The following PREX1 variants were observed in gnomAD, a reference collection of about 807,000 sequenced individuals.
The protein encoded by PREX1 is phosphatidylinositol 3,4,5-trisphosphate-dependent Rac exchanger 1 protein.
Under a neutral mutation model 198.3 loss-of-function variants are expected in PREX1, and 41 were observed. The observed-to-expected ratio is 0.21, with a 90% CI of 0.16 to 0.27. The LOEUF is 0.27. Among genes scored for constraint, PREX1 ranks in the 10% least tolerant of loss-of-function variants. The pLI is 1.00. For missense variants in PREX1, 1,620 were observed against 2,200.7 expected (o/e 0.74, Z 5.28); for synonymous variants, 843 against 887.2 (o/e 0.95, Z 0.89).
the PREX1 span, among the ~76,000 whole-genome samples, chr20:48,837,211 G>T: frequency 6.6e-6 from 1 of 152,230 alleles, no homozygotes; most frequent in Non-Finnish European, 1.5e-5. Flanking sequence ...GAATGCTTAT[G>T]CACTGCTGGT....
At chr20:48,722,153 A>G (rs2089989156) in intron 5 of PREX1, among the ~76,000 whole-genome samples, 1 of 152,240 alleles carries the variant, frequency 6.6e-6, no homozygotes, top group Non-Finnish European at 1.5e-5. Flanking sequence ...CAAATCCTGT[A>G]CATGGACCTT....
At chr20:48,742,203 GAT>G (rs2090085708) in intron 3 of PREX1, among the ~76,000 whole-genome samples, 2 of 152,186 alleles carry the variant, frequency 1.3e-5, no homozygotes, top group Admixed American at 1.3e-4. Context: ...GGGGCTCAGT[GAT>G]CCCAGGTCTG....
At chr20:48,756,874 C>G (rs2090157768) in intron 1 of PREX1, among the ~76,000 whole-genome samples, 2 of 152,202 alleles carry the variant, frequency 1.3e-5, no homozygotes, top group Admixed American at 1.3e-4. Flanking sequence ...GCCTCACAAT[C>G]AAGGCAGAAG....
intron 15 of PREX1, among the ~76,000 whole-genome samples, chr20:48,665,000 A>G (rs1378080530): frequency 7.1e-6 from 1 of 141,732 alleles, no homozygotes; most frequent in Non-Finnish European, 1.5e-5. Flanking sequence ...GACGGCCTGA[A>G]TTCTAATCCC....
In PREX1 at chr20:48,729,377, C is replaced by T. The variant is rs533104085; in HGVS notation, c.520-2986G>A. Among the ~76,000 whole-genome samples, 321 of 152,150 alleles carry T rather than the reference C, an allele frequency of 2.1e-3. 1 individual carries two copies. Among genetic ancestry groups the T allele is most frequent in the Non-Finnish European group, 3.9e-3 (266 of 67,988 alleles). On this transcript the variant is annotated intron_variant, in intron 4 of 39. Transcript: ENST00000371941. ...CAGGTGTGAGCCACCGTGCCTGGCC[C>T]TGACTTGGCTTTAAACACCATCTTT...
Position 48,664,423 on chromosome 20 carries a change from G to A in PREX1, c.1738+1860C>T, listed in dbSNP as rs189268313. Among the ~76,000 whole-genome samples the A allele has an allele frequency of 1.6e-3, 239 of 152,068 alleles. 2 individuals are homozygous for A. Among genetic ancestry groups the A allele is most frequent in the African/African-American group, 5.4e-3 (224 of 41,486 alleles). On this transcript the variant is annotated intron_variant, in intron 15 of 39. Transcript: ENST00000371941. ...TCCGAGCTAGGAGCAGAGTGATGACGGGGAGGAGCTATTTTAGCTGGGGTT... is the reference window on the plus strand; with the variant it reads ...TCCGAGCTAGGAGCAGAGTGATGACAGGGAGGAGCTATTTTAGCTGGGGTT...
intron 24 of PREX1, 24 bp from the exon 25 acceptor site, chr20:48,649,600 C>A: frequency 6.4e-7 from 1 of 1,552,232 alleles, no homozygotes; most frequent in East Asian, 2.4e-5. Context: ...AGAGAGAGCT[C>A]ACTGGAAAAC....
chr20:48,823,101 G>C (rs1350670354), intron 1 of PREX1, among the ~76,000 whole-genome samples: 1 of 152,194 alleles, frequency 6.6e-6, no homozygotes, highest in Non-Finnish European at 1.5e-5. Context: ...ACCACAGAAA[G>C]CATTCTGGGA....
Position 48,708,286 on chromosome 20 carries a change from G to C in PREX1, c.757C>G (p.Leu253Val), listed in dbSNP as rs758643755. The change falls in exon 6 of 40, where the codon CTG (leucine) becomes GTG (valine). Residue 253 changes from leucine to valine, a missense_variant. Physicochemically the swap from Leu to Val is conservative, Grantham distance 32 (BLOSUM62 1). Around this residue, in one of 7 missense-constraint regions of PREX1, gnomAD observed 488 missense variants for 802.5 expected, o/e 0.61. Coordinates refer to ENST00000371941, the MANE Select transcript of PREX1 (RefSeq NM_020820.4). ...QMEKLEALEQLQSHIEGWEGS... is the reference protein window; with the variant it reads ...QMEKLEALEQVQSHIEGWEGS... Reference sequence around the variant, plus strand: ...TCCCAGCCTTCGATGTGGGACTGCAGCTGCTCCAGGGCTTCCAGCTTCTCC... The same window carrying C: ...TCCCAGCCTTCGATGTGGGACTGCACCTGCTCCAGGGCTTCCAGCTTCTCC... 2 of 1,614,068 alleles carry C rather than the reference G, an allele frequency of 1.2e-6. No individual in the cohort carries two copies. Among genetic ancestry groups the C allele is most frequent in the Non-Finnish European group, 1.7e-6 (2 of 1,180,018 alleles).
At chr20:48,880,656 T>G in the PREX1 span, among the ~76,000 whole-genome samples, 3 of 152,116 alleles carry the variant, frequency 2.0e-5, no homozygotes, top group Admixed American at 6.5e-5. Context: ...TACATATAAT[T>G]GGCCAGAATG....
At chr20:48,627,445 C>T (rs2089281755) in intron 39 of PREX1, 103 bp downstream of exon 39, 3 of 1,288,402 alleles carry the variant, frequency 2.3e-6, no homozygotes, top group Non-Finnish European at 3.4e-6. Flanking sequence ...GAGGGGAAGC[C>T]CCATCTGAGC....
chr20:48,747,570 G>A (rs1314015764), intron 2 of PREX1, among the ~76,000 whole-genome samples: 1 of 152,216 alleles, frequency 6.6e-6, no homozygotes, highest in Non-Finnish European at 1.5e-5. Context: ...GTCTCGGGTT[G>A]GAAAGTGGGG....
the PREX1 span, among the ~76,000 whole-genome samples, chr20:48,879,627 G>A: frequency 6.6e-6 from 1 of 152,080 alleles, no homozygotes; most frequent in Non-Finnish European, 1.5e-5. Context: ...CTGTCAACTC[G>A]TCAATATGCC....
At chr20:48,694,813 C>T (rs886326374) in intron 7 of PREX1, among the ~76,000 whole-genome samples, 2 of 152,066 alleles carry the variant, frequency 1.3e-5, no homozygotes, top group East Asian at 3.8e-4. Context: ...ATGGGAGCCA[C>T]GGAGGGTTGG....
chr20:48,777,256 C>T (rs370387520), intron 1 of PREX1, among the ~76,000 whole-genome samples: 3 of 152,274 alleles, frequency 2.0e-5, no homozygotes, highest in South Asian at 2.1e-4. Flanking sequence ...ACAACATGAG[C>T]TGGTCATGCC....
intron 1 of PREX1, among the ~76,000 whole-genome samples, chr20:48,816,763 C>T (rs1036204056): frequency 3.9e-5 from 6 of 152,138 alleles, no homozygotes; most frequent in Non-Finnish European, 7.3e-5. Context: ...CCTCCCATGC[C>T]CCACACCCTC....
intron 5 of PREX1, among the ~76,000 whole-genome samples, chr20:48,714,336 C>T (rs2089951883): frequency 6.6e-6 from 1 of 152,074 alleles, no homozygotes; most frequent in Non-Finnish European, 1.5e-5. Flanking sequence ...AGACAATCTG[C>T]CTAATGAGGA....
At chr20:48,785,984 G>A (rs2090310418) in intron 1 of PREX1, among the ~76,000 whole-genome samples, 1 of 152,180 alleles carries the variant, frequency 6.6e-6, no homozygotes, top group Non-Finnish European at 1.5e-5. Context: ...CCAGCAGGGG[G>A]TTCAGAAAAG....
At chr20:48,873,369 T>C in the PREX1 span, among the ~76,000 whole-genome samples, 2 of 152,050 alleles carry the variant, frequency 1.3e-5, no homozygotes, top group African/African-American at 4.8e-5. Context: ...TCTACGGCAG[T>C]CTAATCTACA....
Sources: allele counts gnomAD v4.1 joint callset (sites outside exome capture counted in the v4.1 genomes callset), GRCh38; gene constraint gnomAD v4.1.1; regional missense constraint gnomAD v4.1.1; transcripts MANE v1.5; gene names NCBI Gene and HGNC (gene_info 2026-07-23, HGNC 2026-07-21).